Variants in PPIL6 observed in about 807,000 individuals in gnomAD.
The protein encoded by PPIL6 is peptidylprolyl isomerase like 6, also known as probable inactive peptidyl-prolyl cis-trans isomerase-like 6.
In PPIL6, 39 loss-of-function variants were observed where a neutral mutation model predicts 36.8. The ratio of observed to expected loss-of-function variants is 1.06; its 90% confidence interval spans 0.82 to 1.38. The LOEUF (loss-of-function observed/expected upper bound fraction) is 1.38, where lower values mean the gene tolerates loss of function less well. PPIL6 is among the 40% of genes most tolerant of loss of function. The pLI is 0.00. For missense variants in PPIL6, 368 were observed against 379.1 expected, an observed-to-expected ratio of 0.97 and a Z score of 0.24; for synonymous variants, 123 against 134.1, an observed-to-expected ratio of 0.92 and a Z score of 0.57.
chr6:109,402,013 G>A (rs893353917), intron 6 of PPIL6, among the ~76,000 whole-genome samples: 3 of 151,836 alleles, frequency 2.0e-5, no homozygotes, highest in Non-Finnish European at 4.4e-5. Context: ...GTGAGCCACC[G>A]CGCCCGGCCC....
chr6:109,417,837 G>C (rs1266289850), intron 6 of PPIL6, among the ~76,000 whole-genome samples: 1 of 152,128 alleles, frequency 6.6e-6, no homozygotes. Context: ...CTATAGCCAA[G>C]GATAATCATT....
At chr6:109,440,767 C>T, upstream of PPIL6, 1 of 338,612 alleles carries the variant, frequency 3.0e-6, no homozygotes, top group Non-Finnish European at 4.9e-6. Context: ...GCGCGGGCGG[C>T]CGCGACCGCC....
chr6:109,407,282 C>T (rs1428013663), intron 6 of PPIL6, among the ~76,000 whole-genome samples: 1 of 151,864 alleles, frequency 6.6e-6, no homozygotes, highest in Non-Finnish European at 1.5e-5. Flanking sequence ...CTCTTTCGCC[C>T]AGGCCGGACT....
chr6:109,406,123 C>T (rs1026903105), intron 6 of PPIL6, among the ~76,000 whole-genome samples: 50 of 151,978 alleles, frequency 3.3e-4, no homozygotes, highest in Non-Finnish European at 1.6e-4. Flanking sequence ...ATGATCATGG[C>T]TCACTGCAGC....
At chr6:109,400,531 C>A (rs575305868) in intron 6 of PPIL6, among the ~76,000 whole-genome samples, 1 of 152,166 alleles carries the variant, frequency 6.6e-6, no homozygotes, top group Non-Finnish European at 1.5e-5. Context: ...TACCACCATA[C>A]TCATTAAAAA....
At chr6:109,415,233 T>C (rs531951638) in intron 6 of PPIL6, among the ~76,000 whole-genome samples, 3 of 152,376 alleles carry the variant, frequency 2.0e-5, no homozygotes, top group African/African-American at 7.2e-5. Flanking sequence ...AATGTTTCCA[T>C]ACAGTATCAA....
chr6:109,403,207 C>A, intron 6 of PPIL6: 1 of 743,582 alleles, frequency 1.3e-6, no homozygotes, highest in Non-Finnish European at 2.0e-6. Context: ...CTCCTGGGCT[C>A]AAGGCCTCCT....
chr6:109,399,931 T>G (rs75831958), intron 7 of PPIL6, 104 bp downstream of exon 7: 10,432 of 826,678 alleles, frequency 0.013, 327 homozygotes, highest in African/African-American at 0.084. Context: ...ATTTAAGCCC[T>G]ATTTTTAGCT....
At chr6:109,398,316 T>C (rs1297006810) in intron 7 of PPIL6, among the ~76,000 whole-genome samples, 1 of 152,240 alleles carries the variant, frequency 6.6e-6, no homozygotes, top group African/African-American at 2.4e-5. Context: ...TTTAAAGATA[T>C]CCTATGGATG....
upstream of PPIL6, chr6:109,440,778 G>C: frequency 5.9e-6 from 2 of 336,240 alleles, no homozygotes; most frequent in South Asian, 1.1e-4. Flanking sequence ...CGCGACCGCC[G>C]GGGACGAGCT....
intron 5 of PPIL6, among the ~76,000 whole-genome samples, chr6:109,420,587 A>T (rs1323647150): frequency 6.6e-6 from 1 of 152,194 alleles, no homozygotes; most frequent in African/African-American, 2.4e-5. Context: ...CACAGCTAAA[A>T]GAGGAGCAAA....
intron 5 of PPIL6, among the ~76,000 whole-genome samples, chr6:109,424,102 G>T (rs1452532831): frequency 6.6e-6 from 1 of 152,196 alleles, no homozygotes; most frequent in Admixed American, 6.5e-5. Context: ...GAGTAGGAGG[G>T]TGGCAGGAGG....
Position 109,390,857 on chromosome 6 carries a change from A to G in PPIL6, c.*1969T>C, listed in dbSNP as rs946871184. On this transcript the variant is annotated 3_prime_UTR_variant, in exon 8 of 8. Transcript: ENST00000521072. ...TATTTTTGCAACTTCCTGTGAATCTATATTTCAAAATAAAAAGTTAAAAAA... is the reference window on the plus strand; with the variant it reads ...TATTTTTGCAACTTCCTGTGAATCTGTATTTCAAAATAAAAAGTTAAAAAA... 1.3e-5 allele frequency: 2 copies of G among 152,308 alleles called. No homozygotes were observed. The highest frequency in any genetic ancestry group is 2.1e-4 in the South Asian group (1 of 4,822). The allele number at this position is 152,308 out of a possible 1,614,324, so 9.4% of individuals were successfully genotyped here. A position where few individuals can be genotyped will look rare whatever the true frequency, so the allele number is the denominator to read the frequency against.
intron 3 of PPIL6, among the ~76,000 whole-genome samples, chr6:109,429,143 A>C (rs909666425): frequency 6.6e-6 from 1 of 152,156 alleles, no homozygotes; most frequent in Admixed American, 6.5e-5. Context: ...CTCTGTGCAA[A>C]AAAAATCTAT....
In PPIL6 at chr6:109,392,704, GCAACC is replaced by G; in HGVS notation, c.*117_*121del. ...TGGGGAGGGATTGGGTGTAGATGAGGCAACCTACAGTGTCTGCCACGGCTTTCAAA... is the reference window on the plus strand; with the variant it reads ...TGGGGAGGGATTGGGTGTAGATGAGGTACAGTGTCTGCCACGGCTTTCAAA... On this transcript the variant is annotated 3_prime_UTR_variant, in exon 8 of 8. Transcript: ENST00000521072. The G allele has an allele frequency of 1.6e-6, 1 of 622,788 alleles. No individual in the cohort carries two copies. Among genetic ancestry groups the G allele is most frequent in the Non-Finnish European group, 2.8e-6 (1 of 358,750 alleles). 38.6% of individuals were successfully genotyped at this position (622,788 alleles called of 1,614,324 possible).
Position 109,419,211 on chromosome 6 carries a change from ACT to A in PPIL6, c.662_663del (p.Glu221ValfsTer8). ...DIVYGKGDNG[E>X]SIYGPTFEDE... is the part of the protein sequence containing the mutation. Reference sequence around the variant, plus strand: ...CCTTCAAATGTTGGACCATAAATCGACTCTCCATTATCTCCTTTTCCATACAC... The same window carrying A: ...CCTTCAAATGTTGGACCATAAATCGACTCCATTATCTCCTTTTCCATACAC... On this transcript the variant is annotated frameshift_variant, in exon 6 of 8. Transcript: ENST00000521072. LOFTEE classifies it high-confidence loss of function. The A allele has an allele frequency of 6.4e-7, 1 of 1,566,832 alleles. No individual in the cohort carries two copies. Among genetic ancestry groups the A allele is most frequent in the East Asian group, 2.2e-5 (1 of 44,602 alleles).
chr6:109,427,687 C>A (rs192578215), intron 3 of PPIL6, among the ~76,000 whole-genome samples: 1 of 152,116 alleles, frequency 6.6e-6, no homozygotes, highest in East Asian at 1.9e-4. Context: ...CCGCACCCAG[C>A]CCACATTATA....
chr6:109,409,163 C>T (rs1772912729), intron 6 of PPIL6, among the ~76,000 whole-genome samples: 1 of 152,132 alleles, frequency 6.6e-6, no homozygotes, highest in Non-Finnish European at 1.5e-5. Context: ...AAATTCACAT[C>T]CCTTCATGAT....
intron 7 of PPIL6, among the ~76,000 whole-genome samples, chr6:109,399,175 T>A (rs1007851404): frequency 6.6e-6 from 1 of 152,142 alleles, no homozygotes; most frequent in Non-Finnish European, 1.5e-5. Flanking sequence ...TGGCACGATC[T>A]CGGCTCACTG....
Sources: allele counts gnomAD v4.1 joint callset (sites outside exome capture counted in the v4.1 genomes callset), GRCh38; gene constraint gnomAD v4.1.1; transcripts MANE v1.5; gene names NCBI Gene and HGNC (gene_info 2026-07-23, HGNC 2026-07-21).